The following ARIH2 variants were observed in gnomAD, a reference collection of about 807,000 sequenced individuals.
ARIH2 encodes E3 ubiquitin-protein ligase ARIH2.
In ARIH2, 12 loss-of-function variants were observed where a neutral mutation model predicts 79.8. The ratio of observed to expected loss-of-function variants is 0.15; its 90% CI spans 0.10 to 0.24. The LOEUF (loss-of-function observed/expected upper bound fraction) is 0.24, where lower values mean the gene tolerates loss of function less well. ARIH2 is among the 10% of genes least tolerant of loss of function. ARIH2 has a pLI of 1.00. For missense variants in ARIH2, 301 were observed against 618.3 expected (o/e 0.49, Z 5.44); for synonymous variants, 224 against 213.9 (o/e 1.05, Z -0.41).
At chr3:48,970,424 C>G (rs1262800852) in intron 7 of ARIH2, among the ~76,000 whole-genome samples, 171 bp from the exon 8 acceptor site, 1 of 152,184 alleles carries the variant, frequency 6.6e-6, no homozygotes, top group Non-Finnish European at 1.5e-5. Context: ...TTCTAAATTC[C>G]TCTTTAATAT....
At chr3:48,975,099 T>A in intron 11 of ARIH2, 120 bp downstream of exon 11, 1 of 1,541,236 alleles carries the variant, frequency 6.5e-7, no homozygotes, top group African/African-American at 1.4e-5. Context: ...CTCAGTCACT[T>A]AACAGTCACA....
intron 11 of ARIH2, among the ~76,000 whole-genome samples, chr3:48,975,764 C>T (rs982155971): frequency 6.6e-6 from 1 of 151,970 alleles, no homozygotes; most frequent in Non-Finnish European, 1.5e-5. Flanking sequence ...GGGGGTTTGC[C>T]ATGTTCGAGG....
intron 15 of ARIH2, 81 bp from the exon 16 acceptor site, chr3:48,983,118 C>G: frequency 6.4e-7 from 1 of 1,555,912 alleles, no homozygotes; most frequent in Non-Finnish European, 8.9e-7. Flanking sequence ...CTTGGAGGTC[C>G]TGGAGGGTGT....
At chr3:48,932,950 T>G (rs1005311150) in intron 3 of ARIH2, among the ~76,000 whole-genome samples, 1 of 151,794 alleles carries the variant, frequency 6.6e-6, no homozygotes, top group Admixed American at 6.6e-5. Flanking sequence ...AGTGGGAGGG[T>G]TATCTTCTGG....
chr3:48,974,066 A>G (rs1224278997), intron 9 of ARIH2, among the ~76,000 whole-genome samples: 1 of 152,226 alleles, frequency 6.6e-6, no homozygotes, highest in African/African-American at 2.4e-5. Flanking sequence ...AGGGGGAGCT[A>G]ATTAGAAGAG....
At chr3:48,979,690 C>T in intron 12 of ARIH2, 57 bp downstream of exon 12, 1 of 1,589,318 alleles carries the variant, frequency 6.3e-7, no homozygotes, top group Non-Finnish European at 8.6e-7. Flanking sequence ...ACTTGGCCTG[C>T]TGGTGGGATT....
chr3:48,981,884 C>T (rs1366418465), intron 14 of ARIH2, among the ~76,000 whole-genome samples, 156 bp downstream of exon 14: 2 of 152,158 alleles, frequency 1.3e-5, no homozygotes, highest in Admixed American at 1.3e-4. Context: ...GCTCTGGGCA[C>T]CTCCAAAATA....
At chr3:48,931,180 G>C (rs1332549620) in intron 3 of ARIH2, among the ~76,000 whole-genome samples, 1 of 152,100 alleles carries the variant, frequency 6.6e-6, no homozygotes, top group Admixed American at 6.5e-5. Context: ...TCAAACTCCT[G>C]GGTTCCAAGC....
At chr3:48,958,411 CTA>C (rs1396937573) in intron 3 of ARIH2, among the ~76,000 whole-genome samples, 9 of 152,064 alleles carry the variant, frequency 5.9e-5, no homozygotes, top group African/African-American at 2.2e-4. Context: ...GACTTCATCT[CTA>C]TTTAAAAAAA....
Position 48,968,649 on chromosome 3 carries a change from T to C in ARIH2, c.654T>C (p.Tyr218=). 3 of 1,607,958 alleles carry C rather than the reference T, an allele frequency of 1.9e-6. No individual in the cohort carries two copies. Among genetic ancestry groups the C allele is most frequent in the Non-Finnish European group, 2.6e-6 (3 of 1,175,736 alleles). ...ACAGGCGCTACCTCTTCAGGGACTATGTGGAGGTATGGCCAGCCTTTGTTC... is the reference window on the plus strand; with the variant it reads ...ACAGGCGCTACCTCTTCAGGGACTACGTGGAGGTATGGCCAGCCTTTGTTC... The part of the protein sequence containing the change: ...EKYRRYLFRD[Y]VESHYQLQLC... Residue 218 remains tyrosine, a synonymous_variant, in exon 7 of 16, where the codon TAT becomes TAC. Coordinates refer to ENST00000356401, the MANE Select transcript of ARIH2 (RefSeq NM_006321.4).
chr3:48,941,593 CTTTTTTT>C (rs1421452514), intron 3 of ARIH2, among the ~76,000 whole-genome samples: 3 of 135,650 alleles, frequency 2.2e-5, no homozygotes, highest in Non-Finnish European at 3.2e-5. Context: ...CTTTTCTTTT[CTTTTTTT>C]TTTTTTTTTG....
At position 48,976,086 on chromosome 3, in the gene ARIH2, A is replaced by G. The variant is rs1434266311; in HGVS notation, c.961+1107A>G. ...CCACCACACCTGGCTACTTTTTTAT[A>G]TTTTTAGTAGAGACGGGGTCTAACC... On this transcript the variant is annotated intron_variant, in intron 11 of 15. Coordinates refer to ENST00000356401, the MANE Select transcript of ARIH2 (RefSeq NM_006321.4). Among the ~76,000 whole-genome samples the G allele has an allele frequency of 1.1e-4, 16 of 142,910 alleles. 1 individual carries two copies. Among genetic ancestry groups the G allele is most frequent in the Non-Finnish European group, 1.5e-5 (1 of 65,956 alleles). 93.8% of individuals were successfully genotyped at this position (142,910 alleles called of 152,430 possible).
intron 3 of ARIH2, among the ~76,000 whole-genome samples, chr3:48,937,367 A>G (rs186631210): frequency 2.0e-5 from 3 of 151,938 alleles, no homozygotes. Context: ...CCATCCACCA[A>G]CCCGGAAATA....
intron 1 of ARIH2, chr3:48,919,344 T>A: frequency 1.5e-6 from 1 of 658,382 alleles, no homozygotes; most frequent in Non-Finnish European, 2.2e-6. Context: ...CTTTGGGAGC[T>A]CTCGCAGCGC....
intron 3 of ARIH2, among the ~76,000 whole-genome samples, chr3:48,949,609 C>A (rs2089690709): frequency 6.6e-6 from 1 of 152,136 alleles, no homozygotes; most frequent in South Asian, 2.1e-4. Context: ...TGTCATTAAC[C>A]ACTAATGTAA....
intron 9 of ARIH2, 43 bp from the exon 10 acceptor site, chr3:48,974,774 C>T (rs1471974673): frequency 6.2e-7 from 1 of 1,608,794 alleles, no homozygotes; most frequent in Non-Finnish European, 8.5e-7. Context: ...TTAAAACCAA[C>T]CTGGTGGTGT....
chr3:48,952,194 G>A (rs1333497173), intron 3 of ARIH2, among the ~76,000 whole-genome samples: 1 of 152,092 alleles, frequency 6.6e-6, no homozygotes, highest in African/African-American at 2.4e-5. Context: ...TTTGACACAG[G>A]GGTTCTATAG....
At chr3:48,978,631 G>C (rs1018613889) in intron 11 of ARIH2, among the ~76,000 whole-genome samples, 2 of 151,512 alleles carry the variant, frequency 1.3e-5, no homozygotes, top group African/African-American at 4.9e-5. Context: ...TCATAATTCT[G>C]ATTATGAACC....
intron 14 of ARIH2, 105 bp from the exon 15 acceptor site, chr3:48,982,791 G>C: frequency 1.3e-6 from 1 of 791,312 alleles, no homozygotes; most frequent in Admixed American, 1.9e-5. Context: ...AGGATTGTCT[G>C]TAGTTCCTGT....
Sources: gnomAD v4.1 joint callset for allele counts (sites outside exome capture counted in the v4.1 genomes callset) on GRCh38, gnomAD v4.1.1 for gene constraint, MANE v1.5 for transcripts, NCBI Gene and HGNC (gene_info 2026-07-23, HGNC 2026-07-21) for gene names.